RECK: variants seen among roughly 807,000 people sequenced by gnomAD.
RECK encodes reversion inducing cysteine rich protein with kazal motifs.
In RECK, 69 loss-of-function variants were observed where a neutral mutation model predicts 115.1. The ratio of observed to expected loss-of-function variants is 0.60; its 90% CI spans 0.49 to 0.73. RECK has a LOEUF of 0.73. RECK is among the 30% of genes least tolerant of loss of function. The pLI is 0.00. For missense variants in RECK, 1,047 were observed against 1,203.7 expected, an observed-to-expected ratio of 0.87 and a Z score of 1.93; for synonymous variants, 414 against 419.7, an observed-to-expected ratio of 0.99 and a Z score of 0.17.
At chr9:36,093,042 C>T (rs934411486) in intron 10 of RECK, among the ~76,000 whole-genome samples, 1 of 152,084 alleles carries the variant, frequency 6.6e-6, no homozygotes, top group African/African-American at 2.4e-5. Context: ...GCTGGGCAGA[C>T]GATTTAGAAT....
chr9:36,043,918 T>C (rs1820980095), intron 1 of RECK, among the ~76,000 whole-genome samples: 1 of 152,196 alleles, frequency 6.6e-6, no homozygotes, highest in South Asian at 2.1e-4. Flanking sequence ...ACTATAGCCT[T>C]ATAGTATAAT....
intron 2 of RECK, among the ~76,000 whole-genome samples, chr9:36,053,769 T>TA (rs1238611841): frequency 6.6e-6 from 1 of 152,148 alleles, no homozygotes; most frequent in Non-Finnish European, 1.5e-5. Context: ...TCTAATTTCT[T>TA]AAAATCTGGA....
In RECK at chr9:36,036,970, CCGCGGCTCTGG is replaced by C; in HGVS notation, c.-28_-18del. 1 of 1,386,614 alleles carries C rather than the reference CCGCGGCTCTGG, an allele frequency of 7.2e-7. No individual in the cohort carries two copies. Among genetic ancestry groups the C allele is most frequent in the Non-Finnish European group, 9.4e-7 (1 of 1,063,462 alleles). 85.9% of individuals were successfully genotyped at this position (1,386,614 alleles called of 1,614,324 possible). On this transcript the variant is annotated 5_prime_UTR_variant, in exon 1 of 21. Transcript: ENST00000377966. ...TGCGGCCAAGCTGGGTCCGAGCATC[CCGCGGCTCTGG>C]AGCCGCCCGGCCCGGACATGGCGAC... is the stretch of plus-strand genomic sequence containing the variant.
intron 12 of RECK, among the ~76,000 whole-genome samples, 163 bp downstream of exon 12, chr9:36,102,393 G>A (rs926301342): frequency 6.6e-6 from 1 of 152,146 alleles, no homozygotes; most frequent in Non-Finnish European, 1.5e-5. Context: ...TTTTGGCCCA[G>A]GAAAGAATTG....
intron 12 of RECK, among the ~76,000 whole-genome samples, chr9:36,103,645 T>C (rs1298357008): frequency 6.6e-6 from 1 of 151,018 alleles, no homozygotes; most frequent in African/African-American, 2.4e-5. Context: ...GATTTGTAGC[T>C]GGTAGATTTG....
chr9:36,111,159 T>G (rs1467201879), intron 15 of RECK, among the ~76,000 whole-genome samples: 1 of 152,220 alleles, frequency 6.6e-6, no homozygotes, highest in Non-Finnish European at 1.5e-5. Flanking sequence ...CCCTGTTTCC[T>G]ATAGTGTGTG....
rs1440289130 is a variant in RECK at position 36,075,048 on chromosome 9, C to T, written c.406-5557C>T. Among the ~76,000 whole-genome samples, 4 of 152,202 alleles carry T rather than the reference C, an allele frequency of 2.6e-5. No individual in the cohort carries two copies. In the East Asian group the frequency reaches 7.7e-4, roughly 29 times the overall value. On this transcript the variant is annotated intron_variant, in intron 6 of 20. Transcript: ENST00000377966. ...CATGTTTTCCCCTCCCTTTAGCAGA[C>T]TAGCTCAGGCATGTTCACGTGGTGG... is the stretch of plus-strand genomic sequence containing the variant.
At chr9:36,102,315 C>A in intron 12 of RECK, 85 bp downstream of exon 12, 1 of 1,200,112 alleles carries the variant, frequency 8.3e-7, no homozygotes, top group Non-Finnish European at 1.2e-6. Context: ...TTTGGATGAG[C>A]ATTTATCTGT....
At chr9:36,122,679 T>C in intron 20 of RECK, 145 bp from the exon 21 acceptor site, 1 of 622,588 alleles carries the variant, frequency 1.6e-6, no homozygotes, top group South Asian at 2.0e-5. Context: ...AATAAAATGT[T>C]ACTTTGGATA....
chr9:36,059,023 A>G, intron 3 of RECK, 122 bp downstream of exon 3: 1 of 524,452 alleles, frequency 1.9e-6, no homozygotes, highest in Non-Finnish European at 3.1e-6. Context: ...TAAAATGTTA[A>G]GTTTAACTTA....
chr9:36,103,470 A>G (rs1166714605), intron 12 of RECK, among the ~76,000 whole-genome samples: 2 of 151,590 alleles, frequency 1.3e-5, no homozygotes, highest in African/African-American at 4.9e-5. Context: ...CTAGTTCCAG[A>G]AGGTAAAAAG....
At chr9:36,110,179 A>G in intron 15 of RECK, 100 bp downstream of exon 15, 1 of 1,278,186 alleles carries the variant, frequency 7.8e-7, no homozygotes, top group Non-Finnish European at 1.1e-6. Context: ...GCAAATGTAC[A>G]CAATAAAATC....
At chr9:36,098,397 A>G (rs1173570406) in intron 10 of RECK, among the ~76,000 whole-genome samples, 7 of 152,234 alleles carry the variant, frequency 4.6e-5, no homozygotes, top group Admixed American at 4.6e-4. Flanking sequence ...CTTCATTATT[A>G]TCAGTCATGG....
At position 36,103,826 on chromosome 9, in the gene RECK, A is replaced by C. The variant is rs1424755740; in HGVS notation, c.1436-1317A>C. 3.9e-5 allele frequency among the ~76,000 whole-genome samples: 6 copies of C among 152,300 alleles called. No homozygotes were observed. In the South Asian group the frequency reaches 6.2e-4, roughly 16 times the overall value. On this transcript the variant is annotated intron_variant, in intron 12 of 20. Transcript: ENST00000377966. ...TTGAGCCTCGGCTTCCCTATTTATGAAATAATTAGGCAAAATGAGATGAAC... is the reference window on the plus strand; with the variant it reads ...TTGAGCCTCGGCTTCCCTATTTATGCAATAATTAGGCAAAATGAGATGAAC...
At chr9:36,046,552 C>G (rs563624013) in intron 1 of RECK, among the ~76,000 whole-genome samples, 1 of 152,096 alleles carries the variant, frequency 6.6e-6, no homozygotes, top group Non-Finnish European at 1.5e-5. Flanking sequence ...CTGTCCTGTT[C>G]GTGGAGAGTG....
At chr9:36,122,523 C>T (rs1046793339) in intron 20 of RECK, among the ~76,000 whole-genome samples, 3 of 152,036 alleles carry the variant, frequency 2.0e-5, no homozygotes, top group Admixed American at 6.5e-5. Context: ...AGGCTGGTCT[C>T]GAACTCCTGG....
chr9:36,104,340 T>A (rs1823713797), intron 12 of RECK, among the ~76,000 whole-genome samples: 3 of 63,688 alleles, frequency 4.7e-5, no homozygotes, highest in African/African-American at 1.3e-4. Flanking sequence ...TTTTTTTTTT[T>A]TTTTTTTTTT....
intron 14 of RECK, among the ~76,000 whole-genome samples, chr9:36,108,747 C>T (rs1378262259): frequency 2.0e-5 from 3 of 152,090 alleles, no homozygotes; most frequent in Non-Finnish European, 4.4e-5. Flanking sequence ...AAAAAAAGTA[C>T]ATTAAAAAGT....
chr9:36,066,884 A>G, intron 6 of RECK: 1 of 1,255,826 alleles, frequency 8.0e-7, no homozygotes, highest in South Asian at 1.2e-5. Flanking sequence ...AGAGAGACAA[A>G]CTGTCCTATG....
Sources: gnomAD v4.1 joint callset for allele counts (sites outside exome capture counted in the v4.1 genomes callset) on GRCh38, gnomAD v4.1.1 for gene constraint, MANE v1.5 for transcripts, NCBI Gene and HGNC (gene_info 2026-07-23, HGNC 2026-07-21) for gene names.